PTPRD: variants seen among roughly 807,000 people sequenced by gnomAD.
PTPRD encodes protein tyrosine phosphatase receptor type D.
A neutral mutation model predicts 214.5 loss-of-function variants in PTPRD; 34 were observed. The ratio of observed to expected loss-of-function variants is 0.16; its 90% CI spans 0.12 to 0.21. The LOEUF (loss-of-function observed/expected upper bound fraction) is 0.21. Ranked by LOEUF, PTPRD falls within the 10% of genes least tolerant of loss-of-function variation. The pLI is 1.00. For missense variants in PTPRD, 2,545 were observed against 2,398.7 expected, an observed-to-expected ratio of 1.06 and a Z score of -1.27; for synonymous variants, 1,128 against 845.7, an observed-to-expected ratio of 1.33 and a Z score of -5.79.
intron 9 of PTPRD, among the ~76,000 whole-genome samples, chr9:9,286,997 G>A (rs186679232): frequency 6.9e-6 from 1 of 145,202 alleles, no homozygotes; most frequent in African/African-American, 2.5e-5. Flanking sequence ...GGCTGAGGCG[G>A]GCAGATCACT....
At chr9:10,224,944 T>C (rs2099584015) in intron 3 of PTPRD, among the ~76,000 whole-genome samples, 1 of 152,080 alleles carries the variant, frequency 6.6e-6, no homozygotes, top group African/African-American at 2.4e-5. Context: ...ATACAACATA[T>C]GTGTTAATTA....
intron 3 of PTPRD, among the ~76,000 whole-genome samples, chr9:10,143,149 A>T (rs982229518): frequency 2.0e-5 from 3 of 152,094 alleles, no homozygotes; most frequent in Non-Finnish European, 4.4e-5. Flanking sequence ...GGAGAGGGAT[A>T]GCATTGGGAG....
chr9:9,980,379 G>A (rs1369577273), intron 4 of PTPRD, among the ~76,000 whole-genome samples: 1 of 151,662 alleles, frequency 6.6e-6, no homozygotes, highest in Non-Finnish European at 1.5e-5. Flanking sequence ...AGGCCGAGGT[G>A]GGCGGATCAC....
intron 5 of PTPRD, among the ~76,000 whole-genome samples, chr9:9,793,504 A>T (rs2153478876): frequency 6.6e-6 from 1 of 152,262 alleles, no homozygotes; most frequent in Admixed American, 6.5e-5. Context: ...GGACGGACAG[A>T]TAGATATGTA....
At chr9:8,648,566 A>C (rs1390513786) in intron 12 of PTPRD, among the ~76,000 whole-genome samples, 1 of 152,206 alleles carries the variant, frequency 6.6e-6, no homozygotes, top group Non-Finnish European at 1.5e-5. Context: ...TTCCACATTA[A>C]GCCTCTAGAT....
chr9:9,958,585 T>C (rs1325201699), intron 4 of PTPRD, among the ~76,000 whole-genome samples: 1 of 152,104 alleles, frequency 6.6e-6, no homozygotes, highest in Non-Finnish European at 1.5e-5. Flanking sequence ...TTATGCTGTG[T>C]AAAACAAACT....
At chr9:8,450,823 A>G (rs2095908274) in intron 33 of PTPRD, among the ~76,000 whole-genome samples, 1 of 152,240 alleles carries the variant, frequency 6.6e-6, no homozygotes, top group Non-Finnish European at 1.5e-5. Context: ...TTGAATCAAT[A>G]GAAGCCATTT....
intron 12 of PTPRD, among the ~76,000 whole-genome samples, chr9:8,656,751 G>C (rs1187640389): frequency 6.6e-6 from 1 of 152,090 alleles, no homozygotes; most frequent in Admixed American, 6.5e-5. Context: ...ATTATTACTG[G>C]CCTTCCGGTA....
intron 11 of PTPRD, among the ~76,000 whole-genome samples, chr9:8,986,094 T>C (rs2099343937): frequency 6.6e-6 from 1 of 152,102 alleles, no homozygotes; most frequent in Non-Finnish European, 1.5e-5. Flanking sequence ...CAGTTATGCA[T>C]GGATTAGTGT....
intron 8 of PTPRD, among the ~76,000 whole-genome samples, chr9:9,516,304 C>G (rs944395380): frequency 2.0e-5 from 3 of 151,972 alleles, no homozygotes; most frequent in Non-Finnish European, 4.4e-5. Context: ...AGCAGTGACA[C>G]CATTCAGCTT....
At chr9:9,405,406 G>T (rs1035958191) in intron 8 of PTPRD, among the ~76,000 whole-genome samples, 1 of 151,898 alleles carries the variant, frequency 6.6e-6, no homozygotes, top group Non-Finnish European at 1.5e-5. Context: ...ATCTAACTCC[G>T]GTAGAAGAAA....
At chr9:8,549,873 A>G (rs1446276170) in intron 14 of PTPRD, among the ~76,000 whole-genome samples, 8 of 152,178 alleles carry the variant, frequency 5.3e-5, no homozygotes, top group Non-Finnish European at 8.8e-5. Context: ...GCAATCAGAC[A>G]AAAAGGGTAC....
intron 6 of PTPRD, 49 bp from the exon 7 acceptor site, chr9:9,734,620 T>A (rs970919529): frequency 3.9e-5 from 6 of 152,096 alleles, no homozygotes; most frequent in African/African-American, 1.2e-4. Flanking sequence ...AGTTTTTGTT[T>A]CAGAAAAAAT....
At chr9:10,098,473 C>T (rs1029609219) in intron 3 of PTPRD, among the ~76,000 whole-genome samples, 3 of 151,220 alleles carry the variant, frequency 2.0e-5, no homozygotes, top group African/African-American at 7.3e-5. Context: ...TGCACATGTA[C>T]CCTAAAACTT....
At chr9:8,502,414 T>C (rs1351299022) in intron 23 of PTPRD, among the ~76,000 whole-genome samples, 1 of 152,126 alleles carries the variant, frequency 6.6e-6, no homozygotes, top group Non-Finnish European at 1.5e-5. Flanking sequence ...TGTATCCAAT[T>C]GTTCAGGGGA....
At chr9:10,043,824 T>C (rs1264153607) in intron 3 of PTPRD, among the ~76,000 whole-genome samples, 4 of 151,906 alleles carry the variant, frequency 2.6e-5, no homozygotes, top group Admixed American at 6.6e-5. Context: ...AAGTCTATTT[T>C]ATCTTTAGTA....
intron 8 of PTPRD, among the ~76,000 whole-genome samples, chr9:9,401,405 C>A (rs904110564): frequency 1.3e-5 from 2 of 151,862 alleles, no homozygotes; most frequent in Non-Finnish European, 2.9e-5. Context: ...AACTCCAGTC[C>A]TTATTTCTCA....
chr9:10,008,391 G>A (rs538004567), intron 4 of PTPRD, among the ~76,000 whole-genome samples: 7 of 151,964 alleles, frequency 4.6e-5, no homozygotes, highest in African/African-American at 7.2e-5. Flanking sequence ...AGCTGTGTCT[G>A]ACTTAAGAGT....
chr9:9,028,777 C>T (rs557706002), intron 10 of PTPRD, among the ~76,000 whole-genome samples: 1 of 151,970 alleles, frequency 6.6e-6, no homozygotes, highest in Non-Finnish European at 1.5e-5. Flanking sequence ...ACAGCTAATG[C>T]GTCTCATGAG....
Sources: gnomAD v4.1 joint callset for allele counts (sites outside exome capture counted in the v4.1 genomes callset) on GRCh38, gnomAD v4.1.1 for gene constraint, MANE v1.5 for transcripts, NCBI Gene and HGNC (gene_info 2026-07-23, HGNC 2026-07-21) for gene names.